The following ZBTB20 variants were observed in gnomAD, a reference collection of about 807,000 sequenced individuals.
The protein encoded by ZBTB20 is zinc finger and BTB domain-containing protein 20.
Under a neutral mutation model 56.9 loss-of-function variants are expected in ZBTB20, and 9 were observed. The ratio of observed to expected loss-of-function variants is 0.16; its 90% CI spans 0.10 to 0.28. ZBTB20 has a LOEUF of 0.28. Among genes scored for constraint, ZBTB20 ranks in the 10% least tolerant of loss-of-function variants. The probability of loss-of-function intolerance (pLI) is 1.00; values close to 1 mark genes in which losing one functional copy is unlikely to be tolerated. For synonymous variants in ZBTB20, 417 were observed against 420.7 expected, an observed-to-expected ratio of 0.99 and a Z score of 0.11; for missense variants, 655 against 1,003.0, an observed-to-expected ratio of 0.65 and a Z score of 4.69.
At chr3:114,803,279 T>C (rs1048949404) in intron 4 of ZBTB20, among the ~76,000 whole-genome samples, 2 of 151,444 alleles carry the variant, frequency 1.3e-5, no homozygotes, top group African/African-American at 2.4e-5. Context: ...AACAGAGCAA[T>C]TGAAAAAATA....
At chr3:114,972,834 TTCTC>T (rs1398446084) in intron 3 of ZBTB20, among the ~76,000 whole-genome samples, 2 of 151,842 alleles carry the variant, frequency 1.3e-5, no homozygotes, top group African/African-American at 2.4e-5. Context: ...TTTCTTTAAT[TTCTC>T]TCTGTCTCTC....
intron 2 of ZBTB20, among the ~76,000 whole-genome samples, chr3:114,980,955 C>T (rs564294728): frequency 6.6e-6 from 1 of 151,798 alleles, no homozygotes; most frequent in Non-Finnish European, 1.5e-5. Context: ...AGATGTTCTA[C>T]TAGATTTCTC....
At chr3:115,013,217 A>C (rs1420101108) in intron 2 of ZBTB20, among the ~76,000 whole-genome samples, 2 of 151,742 alleles carry the variant, frequency 1.3e-5, no homozygotes, top group Non-Finnish European at 1.5e-5. Context: ...AATAAAGATT[A>C]GAGATAAATG....
At position 114,850,609 on chromosome 3, in the gene ZBTB20, C is replaced by T. The variant is rs1273909994; in HGVS notation, c.-416-49435G>A. Among the ~76,000 whole-genome samples, 5 of 152,322 alleles carry T rather than the reference C, an allele frequency of 3.3e-5. No individual in the cohort carries two copies. In the East Asian group the frequency reaches 5.8e-4, roughly 18 times the overall value. On this transcript the variant is annotated intron_variant, in intron 4 of 11. Transcript: ENST00000675478. ...GAGTGGTTAAGTAACTTACCCAAGG[C>T]CCTGCATTATGTAAATAAAGGGGCT... is the stretch of plus-strand genomic sequence containing the variant.
intron 4 of ZBTB20, among the ~76,000 whole-genome samples, chr3:114,854,717 T>C (rs2075159600): frequency 6.6e-6 from 1 of 152,230 alleles, no homozygotes; most frequent in Non-Finnish European, 1.5e-5. Flanking sequence ...TATGTGAAGT[T>C]CTTGGATTTC....
chr3:114,352,399 A>C (rs894696654), intron 10 of ZBTB20, among the ~76,000 whole-genome samples: 1 of 152,230 alleles, frequency 6.6e-6, no homozygotes, highest in South Asian at 2.1e-4. Context: ...CATAGTTAAC[A>C]AATAAACCCC....
chr3:114,776,326 G>A (rs80013763), intron 5 of ZBTB20, among the ~76,000 whole-genome samples: 3,539 of 152,032 alleles, frequency 0.023, 152 homozygotes, highest in African/African-American at 0.081. Context: ...GCTTATCCTG[G>A]ATTATCTAGA....
intron 5 of ZBTB20, among the ~76,000 whole-genome samples, chr3:114,788,873 T>C (rs575662189): frequency 2.0e-5 from 3 of 152,150 alleles, no homozygotes; most frequent in Non-Finnish European, 2.9e-5. Flanking sequence ...ACATGTCTTA[T>C]ATGGAGGCAG....
At chr3:114,554,681 T>G (rs779217450) in intron 6 of ZBTB20, among the ~76,000 whole-genome samples, 2 of 152,176 alleles carry the variant, frequency 1.3e-5, no homozygotes, top group African/African-American at 2.4e-5. Context: ...CTCTGCAGTT[T>G]CTACCACTAG....
At chr3:114,548,077 C>G (rs2050114500) in intron 6 of ZBTB20, among the ~76,000 whole-genome samples, 1 of 152,160 alleles carries the variant, frequency 6.6e-6, no homozygotes, top group African/African-American at 2.4e-5. Context: ...TAAATTTGCA[C>G]CCAGATCAGT....
intron 5 of ZBTB20, among the ~76,000 whole-genome samples, chr3:114,694,679 T>G (rs938298566): frequency 1.4e-4 from 21 of 151,968 alleles, no homozygotes; most frequent in African/African-American, 5.1e-4. Context: ...AGGAGCATAC[T>G]CGATAGCTAG....
At chr3:114,971,957 G>A (rs988078366) in intron 3 of ZBTB20, among the ~76,000 whole-genome samples, 1 of 152,180 alleles carries the variant, frequency 6.6e-6, no homozygotes, top group African/African-American at 2.4e-5. Context: ...AGCCAGCTAA[G>A]GGAGATTCAA....
chr3:115,047,196 T>G (rs1479670534), intron 2 of ZBTB20, among the ~76,000 whole-genome samples: 1 of 152,236 alleles, frequency 6.6e-6, no homozygotes, highest in Admixed American at 6.5e-5. Context: ...CAATTCTGAA[T>G]GAAGTCTTTG....
intron 7 of ZBTB20, among the ~76,000 whole-genome samples, chr3:114,417,082 CATAAT>C (rs1300700636): frequency 2.0e-5 from 3 of 152,066 alleles, no homozygotes; most frequent in African/African-American, 7.2e-5. Flanking sequence ...TGTGTTGTAA[CATAAT>C]AAAATAAAGG....
chr3:114,914,795 C>T (rs1341245752), intron 3 of ZBTB20, among the ~76,000 whole-genome samples: 1 of 151,388 alleles, frequency 6.6e-6, no homozygotes, highest in Non-Finnish European at 1.5e-5. Flanking sequence ...TGAATCTTAA[C>T]AAATGTTTTT....
chr3:114,392,859 G>C, intron 7 of ZBTB20, among the ~76,000 whole-genome samples: 1 of 152,108 alleles, frequency 6.6e-6, no homozygotes, highest in South Asian at 2.1e-4. Flanking sequence ...AAGATGAAAA[G>C]CCCAACAAAA....
intron 6 of ZBTB20, among the ~76,000 whole-genome samples, chr3:114,525,457 A>G (rs1168908161): frequency 6.6e-6 from 1 of 151,988 alleles, no homozygotes; most frequent in East Asian, 1.9e-4. Context: ...TGATTTCATC[A>G]TATTTCTCCC....
chr3:114,536,112 A>T (rs886315127), intron 6 of ZBTB20, among the ~76,000 whole-genome samples: 18 of 152,070 alleles, frequency 1.2e-4, no homozygotes, highest in African/African-American at 3.4e-4. Context: ...TTCTCTCACC[A>T]CTCCTATTTA....
intron 7 of ZBTB20, among the ~76,000 whole-genome samples, chr3:114,465,337 C>T (rs1343404237): frequency 6.6e-6 from 1 of 152,004 alleles, no homozygotes; most frequent in South Asian, 2.1e-4. Context: ...GAAACAGTAC[C>T]ACCTGTTTCT....
Sources: gnomAD v4.1 joint callset for allele counts (sites outside exome capture counted in the v4.1 genomes callset) on GRCh38, gnomAD v4.1.1 for gene constraint, MANE v1.5 for transcripts, NCBI Gene and HGNC (gene_info 2026-07-23, HGNC 2026-07-21) for gene names.